The following ZNF705G variants were observed in gnomAD, a reference collection of about 807,000 sequenced individuals.
ZNF705G encodes the protein zinc finger protein 705G.
ZNF705G carries 23 observed loss-of-function variants against 19.6 expected under a neutral mutation model. That is an observed-to-expected ratio of 1.17 (90% confidence interval 0.84 to 1.66). The LOEUF (loss-of-function observed/expected upper bound fraction) is 1.66, where lower values mean the gene tolerates loss of function less well. Among genes scored for constraint, ZNF705G ranks in the 40% most tolerant of loss-of-function variants. The pLI is 0.00. For synonymous variants in ZNF705G, 146 were observed against 117.7 expected, an observed-to-expected ratio of 1.24 and a Z score of -1.56; for missense variants, 457 against 354.4, an observed-to-expected ratio of 1.29 and a Z score of -2.32.
chr8:7,376,713 T>C (rs1256675387), intron 2 of ZNF705G, among the ~76,000 whole-genome samples: 1 of 150,142 alleles, frequency 6.7e-6, no homozygotes, highest in Non-Finnish European at 1.5e-5. Flanking sequence ...AGTCTCAGGG[T>C]GTAACAAGTA....
intron 2 of ZNF705G, among the ~76,000 whole-genome samples, chr8:7,369,906 G>A (rs1351675465): frequency 2.0e-5 from 3 of 149,108 alleles, no homozygotes; most frequent in Non-Finnish European, 4.4e-5. Flanking sequence ...GGAAGGTGGG[G>A]ACAAAGGCCT....
At position 7,382,573 on chromosome 8, in the gene ZNF705G, A is replaced by C. The variant is rs1807544732; in HGVS notation, c.-221-972T>G. Among the ~76,000 whole-genome samples, 4 of 146,482 alleles carry C rather than the reference A, an allele frequency of 2.7e-5. 1 individual carries two copies. The highest frequency in any genetic ancestry group is 8.3e-5 in the African/African-American group (3 of 36,006). On this transcript the variant is annotated intron_variant, in intron 1 of 6. Coordinates refer to ENST00000400156, the MANE Select transcript of ZNF705G (RefSeq NM_001164457.3). ...TTTTATTTCTTCCATTCTATAAAAA[A>C]GTTTATTTTTAATGCCAGACCATGT...
At chr8:7,370,340 T>C (rs1326032838) in intron 2 of ZNF705G, among the ~76,000 whole-genome samples, 3 of 147,582 alleles carry the variant, frequency 2.0e-5, no homozygotes, top group South Asian at 2.1e-4. Flanking sequence ...GGCCAACAAA[T>C]ATATGAAAAA....
intron 2 of ZNF705G, among the ~76,000 whole-genome samples, chr8:7,369,245 C>A (rs1176792876): frequency 6.7e-6 from 1 of 149,414 alleles, no homozygotes; most frequent in Non-Finnish European, 1.5e-5. Context: ...GGACACAGAG[C>A]CAAACCATAT....
rs1354639303 is a variant in ZNF705G, at chr8:7,359,488, A to T, written c.318+131T>A. On this transcript the variant is annotated intron_variant, in intron 6 of 6. Coordinates refer to ENST00000400156, the MANE Select transcript of ZNF705G (RefSeq NM_001164457.3). ...GTATTCACTAAATTCAAAGTATCCA[A>T]TTTTTTTTTTTTGCTTAGAAAACAC... 70 of 1,335,924 alleles carry T rather than the reference A, an allele frequency of 5.2e-5. 1 individual carries two copies. The highest frequency in any genetic ancestry group is 1.3e-4 in the South Asian group (9 of 70,044). The allele number at this position is 1,335,924 out of a possible 1,614,324, so 82.8% of individuals were successfully genotyped here.
chr8:7,364,652 G>T lies in ZNF705G; in HGVS notation c.-71-1635C>A, dbSNP rs754456396. Reference sequence around the variant, plus strand: ...GGGGACTCCAGTATTTAGACCCCAGGTCCCAAACATCATTGTGTCTATTTT... The same window carrying T: ...GGGGACTCCAGTATTTAGACCCCAGTTCCCAAACATCATTGTGTCTATTTT... On this transcript the variant is annotated intron_variant, in intron 2 of 6. Transcript: ENST00000400156. Among the ~76,000 whole-genome samples the T allele has an allele frequency of 5.2e-4, 78 of 149,642 alleles. 2 individuals carry two copies. The highest frequency in any genetic ancestry group is 9.1e-4 in the Non-Finnish European group (62 of 68,000).
intron 2 of ZNF705G, among the ~76,000 whole-genome samples, chr8:7,363,807 C>T (rs1355633641): frequency 8.7e-5 from 13 of 148,786 alleles, no homozygotes; most frequent in South Asian, 6.3e-4. Flanking sequence ...GGTGACAGAG[C>T]GAGACTCTGT....
At chr8:7,381,676 A>C (rs1313783321) in intron 1 of ZNF705G, 75 bp from the exon 2 acceptor site, 2 of 148,622 alleles carry the variant, frequency 1.3e-5, no homozygotes, top group African/African-American at 5.3e-5. Context: ...TCTCACTTAT[A>C]AATAAGAGCT....
chr8:7,383,106 TG>T (rs1256133682), intron 1 of ZNF705G, among the ~76,000 whole-genome samples: 1 of 147,852 alleles, frequency 6.8e-6, no homozygotes, highest in African/African-American at 2.6e-5. Flanking sequence ...ATTTTTTCCT[TG>T]GTTGAGTTCA....
At chr8:7,368,268 A>C (rs1806950377) in intron 2 of ZNF705G, among the ~76,000 whole-genome samples, 1 of 149,554 alleles carries the variant, frequency 6.7e-6, no homozygotes, top group Admixed American at 6.6e-5. Flanking sequence ...CCAAAGAGTT[A>C]AGGCTATTTT....
At chr8:7,370,260 G>C (rs1205287007) in intron 2 of ZNF705G, among the ~76,000 whole-genome samples, 2 of 129,176 alleles carry the variant, frequency 1.5e-5, no homozygotes, top group Non-Finnish European at 1.5e-5. Flanking sequence ...GACACACCGA[G>C]ACTCCATCTC....
At chr8:7,359,006 C>T (rs1806436780) in intron 6 of ZNF705G, among the ~76,000 whole-genome samples, 1 of 149,614 alleles carries the variant, frequency 6.7e-6, no homozygotes, top group Non-Finnish European at 1.5e-5. Flanking sequence ...ATGCAGCTTT[C>T]CTGCATTATT....
In ZNF705G at chr8:7,357,889, A is replaced by T. The variant is rs1416120145; in HGVS notation, c.*87T>A. 1.9e-6 allele frequency: 3 copies of T among 1,568,460 alleles called. No individual in the cohort carries two copies. The highest frequency in any genetic ancestry group is 2.1e-4 in the Middle Eastern group (1 of 4,854). The stretch of plus-strand genomic sequence containing the variant: ...TTTTCTCTCCAGGGTGAATTTTCTG[A>T]TGCTCTTTAAGATTAGTACATTGTC... On this transcript the variant is annotated 3_prime_UTR_variant, in exon 7 of 7. Coordinates refer to ENST00000400156, the MANE Select transcript of ZNF705G (RefSeq NM_001164457.3).
In ZNF705G at chr8:7,357,688, A is replaced by G. The variant is rs1297167623; in HGVS notation, c.*288T>C. The stretch of plus-strand genomic sequence containing the variant: ...ATATGAATTTATTGATGTGGACTGA[A>G]GAATAAAGGTAACTGAAGTATCTTC... On this transcript the variant is annotated 3_prime_UTR_variant, in exon 7 of 7. Transcript: ENST00000400156. 46 of 550,646 alleles carry G rather than the reference A, an allele frequency of 8.4e-5. 1 individual carries two copies. In the East Asian group the frequency reaches 9.1e-4, roughly 11 times the overall value. The allele number at this position is 550,646 out of a possible 1,614,324, so 34.1% of individuals were successfully genotyped here. A position where few individuals can be genotyped will look rare whatever the true frequency, so the allele number is the denominator to read the frequency against.
intron 2 of ZNF705G, among the ~76,000 whole-genome samples, chr8:7,364,142 A>G (rs1304828399): frequency 8.0e-5 from 12 of 149,586 alleles, no homozygotes; most frequent in African/African-American, 2.8e-4. Context: ...CATGATACAT[A>G]TTTGCTGAGA....
intron 2 of ZNF705G, among the ~76,000 whole-genome samples, chr8:7,365,567 T>C (rs182596085): frequency 5.4e-5 from 8 of 149,112 alleles, no homozygotes; most frequent in African/African-American, 2.1e-4. Flanking sequence ...ACGTGGTTTC[T>C]CCATTTTGGT....
At chr8:7,380,991 G>A (rs1807468263) in intron 2 of ZNF705G, among the ~76,000 whole-genome samples, 1 of 98,832 alleles carries the variant, frequency 1.0e-5, no homozygotes, top group Non-Finnish European at 1.8e-5. Context: ...ACTGCAGCCT[G>A]GCCTACAGAG....
In ZNF705G at chr8:7,361,162, T is replaced by C. The variant is rs1316993765; in HGVS notation, c.87A>G (p.Arg29=). 2.5e-6 allele frequency: 4 copies of C among 1,593,110 alleles called. No homozygotes were observed. The highest frequency in any genetic ancestry group is 2.5e-6 in the Non-Finnish European group (3 of 1,179,456). Residue 29 remains arginine (R), a synonymous_variant, in exon 4 of 7, where the codon AGA becomes AGG. Transcript: ENST00000400156. ...CCAGCATCACATCTCTGTACAGCTT[T>C]CTCTTGGATGTGTCCATCATGGCCC... ...EEWAMMDTSK[R]KLYRDVMLEN...
At chr8:7,361,064 G>A (rs555470721) in intron 4 of ZNF705G, 46 bp downstream of exon 4, 34 of 1,592,472 alleles carry the variant, frequency 2.1e-5, no homozygotes, top group Admixed American at 3.3e-5. Flanking sequence ...TTGAATGAAT[G>A]AGTGAATGTG....
Sources: gnomAD v4.1 joint callset for allele counts (sites outside exome capture counted in the v4.1 genomes callset) on GRCh38, gnomAD v4.1.1 for gene constraint, MANE v1.5 for transcripts, NCBI Gene and HGNC (gene_info 2026-07-23, HGNC 2026-07-21) for gene names.